Variants in RBFOX1 observed in about 807,000 individuals in gnomAD.
RBFOX1 encodes the protein RNA binding protein fox-1 homolog 1.
Under a neutral mutation model 57.7 loss-of-function variants are expected in RBFOX1, and 8 were observed. That is an observed-to-expected ratio of 0.14 (90% CI 0.08 to 0.25). RBFOX1 has a LOEUF of 0.25. Among genes scored for constraint, RBFOX1 ranks in the 10% least tolerant of loss-of-function variants. RBFOX1 has a pLI of 1.00. For synonymous variants in RBFOX1, 326 were observed against 222.4 expected (o/e 1.47, Z -4.15); for missense variants, 611 against 548.5 (o/e 1.11, Z -1.14).
intron 1 of RBFOX1, among the ~76,000 whole-genome samples, chr16:5,462,598 C>A (rs2068826512): frequency 1.3e-5 from 2 of 152,026 alleles, no homozygotes; most frequent in Non-Finnish European, 2.9e-5. Context: ...TTTGAACTAC[C>A]AAATTCCTAA....
At chr16:5,403,807 G>A (rs1447029246) in intron 1 of RBFOX1, among the ~76,000 whole-genome samples, 1 of 152,128 alleles carries the variant, frequency 6.6e-6, no homozygotes, top group East Asian at 1.9e-4. Context: ...GCTCTATTCA[G>A]TGATTTCCTG....
intron 1 of RBFOX1, among the ~76,000 whole-genome samples, chr16:6,220,566 A>C (rs1032827795): frequency 7.9e-5 from 12 of 152,184 alleles, no homozygotes; most frequent in Non-Finnish European, 1.3e-4. Context: ...CTTTTGATTA[A>C]CCAAAACACA....
intron 3 of RBFOX1, among the ~76,000 whole-genome samples, chr16:6,969,024 C>CT (rs1280094905): frequency 1.3e-5 from 2 of 152,074 alleles, no homozygotes; most frequent in Middle Eastern, 3.2e-3. Context: ...GAATCTCCCA[C>CT]TTTTTTTCTC....
intron 3 of RBFOX1, among the ~76,000 whole-genome samples, chr16:6,910,069 G>T (rs1274023993): frequency 6.6e-6 from 1 of 152,026 alleles, no homozygotes; most frequent in Non-Finnish European, 1.5e-5. Context: ...CCTAGGAAGG[G>T]ATATTGTGCC....
intron 3 of RBFOX1, among the ~76,000 whole-genome samples, chr16:6,696,290 T>G (rs1294732635): frequency 6.6e-6 from 1 of 152,178 alleles, no homozygotes; most frequent in Non-Finnish European, 1.5e-5. Flanking sequence ...ATCTCCAAAC[T>G]AAGTGAAATA....
chr16:6,766,655 A>G lies in RBFOX1; in HGVS notation c.-16+112005A>G, dbSNP rs113439671. ...ACCAAGGAGCTGAATTTTAAATTCT[A>G]TCTAATTAGCCACATGTGGCCAACA... On this transcript the variant is annotated intron_variant, in intron 3 of 15. Coordinates refer to ENST00000550418, the MANE Select transcript of RBFOX1 (RefSeq NM_018723.4). 1.2e-4 allele frequency among the ~76,000 whole-genome samples: 18 copies of G among 152,132 alleles called. No individual in the cohort carries two copies. The South Asian group carries it at 1.5e-3, about 12-fold the overall frequency.
At chr16:6,974,051 G>A (rs2086205716) in intron 3 of RBFOX1, among the ~76,000 whole-genome samples, 1 of 152,222 alleles carries the variant, frequency 6.6e-6, no homozygotes, top group African/African-American at 2.4e-5. Context: ...TCCTGTGTTA[G>A]TTTGCTGAGG....
chr16:6,916,523 C>G (rs2153445737), intron 3 of RBFOX1, among the ~76,000 whole-genome samples: 2 of 151,720 alleles, frequency 1.3e-5, no homozygotes, highest in East Asian at 1.9e-4. Flanking sequence ...ACGACCATCT[C>G]CAGGACCATT....
intron 1 of RBFOX1, among the ~76,000 whole-genome samples, chr16:6,152,392 T>G (rs1055579162): frequency 6.6e-6 from 1 of 152,110 alleles, no homozygotes; most frequent in Non-Finnish European, 1.5e-5. Flanking sequence ...ATGGAAAAGT[T>G]TTAAGTGGTT....
chr16:5,515,372 A>T (rs911555055), intron 2 of RBFOX1, among the ~76,000 whole-genome samples: 1 of 152,210 alleles, frequency 6.6e-6, no homozygotes, highest in African/African-American at 2.4e-5. Flanking sequence ...TGCCTGGATC[A>T]AGTACAGGAA....
chr16:5,973,994 A>T (rs2152302228), intron 4 of RBFOX1, among the ~76,000 whole-genome samples: 1 of 152,332 alleles, frequency 6.6e-6, no homozygotes, highest in South Asian at 2.1e-4. Context: ...AAATTAATTT[A>T]ACATCCTTAA....
chr16:5,716,272 A>C (rs186643950), intron 3 of RBFOX1, among the ~76,000 whole-genome samples: 1 of 152,218 alleles, frequency 6.6e-6, no homozygotes, highest in Non-Finnish European at 1.5e-5. Flanking sequence ...GTACCAAGCT[A>C]ATAAGTTCAG....
chr16:5,432,130 G>A (rs559001045), intron 1 of RBFOX1, among the ~76,000 whole-genome samples: 40 of 152,320 alleles, frequency 2.6e-4, no homozygotes, highest in African/African-American at 9.1e-4. Context: ...AGGGCCATGG[G>A]TGGTCTCTGT....
chr16:5,592,570 C>A (rs541247045), intron 2 of RBFOX1, among the ~76,000 whole-genome samples: 1 of 152,108 alleles, frequency 6.6e-6, no homozygotes, highest in Non-Finnish European at 1.5e-5. Context: ...ACTCCCACCA[C>A]CATGCCTGGC....
intron 1 of RBFOX1, among the ~76,000 whole-genome samples, chr16:5,403,552 C>T (rs901349175): frequency 2.6e-5 from 4 of 152,186 alleles, no homozygotes; most frequent in African/African-American, 9.6e-5. Flanking sequence ...TTAAGGAATT[C>T]TCCTGCCTCA....
At chr16:6,728,287 C>G (rs369298989) in intron 3 of RBFOX1, among the ~76,000 whole-genome samples, 3 of 152,228 alleles carry the variant, frequency 2.0e-5, no homozygotes, top group East Asian at 3.9e-4. Flanking sequence ...TGGGGAAATA[C>G]AAGGTTGCAG....
chr16:7,254,048 G>C (rs903095645), intron 4 of RBFOX1, among the ~76,000 whole-genome samples: 9 of 152,078 alleles, frequency 5.9e-5, no homozygotes, highest in Non-Finnish European at 1.0e-4. Flanking sequence ...GTTTTTGAGA[G>C]TTTACTTCAC....
At chr16:6,185,912 G>A (rs1239869393) in intron 1 of RBFOX1, among the ~76,000 whole-genome samples, 1 of 152,132 alleles carries the variant, frequency 6.6e-6, no homozygotes, top group Admixed American at 6.5e-5. Flanking sequence ...GCAACAGGGT[G>A]TGTTACCCTC....
chr16:6,194,982 T>G (rs538485584), intron 1 of RBFOX1, among the ~76,000 whole-genome samples: 1 of 152,166 alleles, frequency 6.6e-6, no homozygotes, highest in Non-Finnish European at 1.5e-5. Flanking sequence ...GATGAATCTT[T>G]TAGTTCATTC....
Sources: allele counts gnomAD v4.1 joint callset (sites outside exome capture counted in the v4.1 genomes callset), GRCh38; gene constraint gnomAD v4.1.1; transcripts MANE v1.5; gene names NCBI Gene and HGNC (gene_info 2026-07-23, HGNC 2026-07-21).